The following ITK variants were observed in gnomAD, a reference collection of about 807,000 sequenced individuals.
ITK encodes IL2 inducible T cell kinase, also known as tyrosine-protein kinase ITK/TSK.
A neutral mutation model predicts 87.6 loss-of-function variants in ITK; 45 were observed. That is an observed-to-expected ratio of 0.51 (90% CI 0.40 to 0.66). The LOEUF is 0.66. ITK is among the 30% of genes least tolerant of loss of function. ITK has a pLI of 0.00. For missense variants in ITK, 605 were observed against 766.3 expected (o/e 0.79, Z 2.48); for synonymous variants, 303 against 273.6 (o/e 1.11, Z -1.06).
chr5:157,203,557 A>G (rs915729017), intron 1 of ITK, among the ~76,000 whole-genome samples: 5 of 152,230 alleles, frequency 3.3e-5, no homozygotes, highest in African/African-American at 1.2e-4. Context: ...CCCTAAAGAA[A>G]GAACCCAACA....
intron 7 of ITK, among the ~76,000 whole-genome samples, chr5:157,228,607 G>T (rs1403294769): frequency 2.0e-5 from 3 of 152,074 alleles, no homozygotes; most frequent in Non-Finnish European, 2.9e-5. Flanking sequence ...GTGCCAGAAA[G>T]TAAAGAAGTA....
At chr5:157,186,682 A>AAGAG (rs61141972) in intron 1 of ITK, among the ~76,000 whole-genome samples, 19,632 of 148,494 alleles carry the variant, frequency 0.13, 1,368 homozygotes, top group African/African-American at 0.17. Context: ...GTCTCAAAAA[A>AAGAG]AGAGAGAGAG....
chr5:157,195,980 G>A (rs1275476826), intron 1 of ITK: 1 of 152,160 alleles, frequency 6.6e-6, no homozygotes, highest in Non-Finnish European at 1.5e-5. Flanking sequence ...AGGTGATTTT[G>A]CCCACCAGGG....
At chr5:157,249,492 C>T (rs189288563) in intron 16 of ITK, among the ~76,000 whole-genome samples, 1 of 152,338 alleles carries the variant, frequency 6.6e-6, no homozygotes, top group African/African-American at 2.4e-5. Flanking sequence ...TTACCCCAAC[C>T]TTGGATTGCA....
At chr5:157,196,484 T>C (rs566844998) in intron 1 of ITK, among the ~76,000 whole-genome samples, 1 of 152,324 alleles carries the variant, frequency 6.6e-6, no homozygotes, top group African/African-American at 2.4e-5. Flanking sequence ...ATAAGTTTAT[T>C]AGTATTTTAT....
At chr5:157,220,656 C>T (rs997774603) in intron 5 of ITK, among the ~76,000 whole-genome samples, 7 of 152,146 alleles carry the variant, frequency 4.6e-5, no homozygotes, top group African/African-American at 1.7e-4. Flanking sequence ...CCCAAACAAC[C>T]CTTCCTGAGC....
At chr5:157,252,367 G>A (rs1054000634) in intron 16 of ITK, among the ~76,000 whole-genome samples, 7 of 152,134 alleles carry the variant, frequency 4.6e-5, no homozygotes, top group African/African-American at 1.7e-4. Context: ...GTTCAAAGAG[G>A]TTAAATAACC....
In ITK at chr5:157,252,118, A is replaced by G. The variant is rs149235581; in HGVS notation, c.1792-489A>G. Among the ~76,000 whole-genome samples the G allele has an allele frequency of 2.2e-4, 33 of 152,332 alleles. No individual in the cohort carries two copies. In the East Asian group the frequency reaches 5.8e-3, roughly 27 times the overall value. ...CACTATAGTGTCTTCCTGTCCATGA[A>G]CATGGAATATCTGTCCATTTATTTA... is the stretch of plus-strand genomic sequence containing the variant. On this transcript the variant is annotated intron_variant, in intron 16 of 16. Coordinates refer to ENST00000422843, the MANE Select transcript of ITK (RefSeq NM_005546.4).
chr5:157,203,902 A>G (rs1355938388), intron 1 of ITK, among the ~76,000 whole-genome samples: 1 of 152,194 alleles, frequency 6.6e-6, no homozygotes, highest in Non-Finnish European at 1.5e-5. Flanking sequence ...GAAAAGACAA[A>G]TATACTCCAA....
At chr5:157,221,331 A>G (rs897763639) in intron 5 of ITK, among the ~76,000 whole-genome samples, 4 of 152,188 alleles carry the variant, frequency 2.6e-5, no homozygotes, top group Non-Finnish European at 4.4e-5. Flanking sequence ...ACCAAAGCAT[A>G]GTCTTCCCTC....
Position 157,254,360 on chromosome 5 carries a change from G to T in ITK, c.*1682G>T, listed in dbSNP as rs538864150. 7.6e-5 allele frequency: 17 copies of T among 224,218 alleles called. No individual in the cohort carries two copies. In the East Asian group the frequency reaches 1.0e-3, roughly 14 times the overall value. 13.9% of individuals were successfully genotyped at this position (224,218 alleles called of 1,614,324 possible). A position where few individuals can be genotyped will look rare whatever the true frequency, so the allele number is the denominator to read the frequency against. On this transcript the variant is annotated 3_prime_UTR_variant, in exon 17 of 17. Coordinates refer to ENST00000422843, the MANE Select transcript of ITK (RefSeq NM_005546.4). Reference sequence around the variant, plus strand: ...ATTCTCACAACCAACCAGTCATGTTGCTTGAAGCCATTTATAGACGAGCTT... The same window carrying T: ...ATTCTCACAACCAACCAGTCATGTTTCTTGAAGCCATTTATAGACGAGCTT...
intron 5 of ITK, among the ~76,000 whole-genome samples, chr5:157,219,161 G>A (rs1254999503): frequency 2.7e-5 from 4 of 147,194 alleles, no homozygotes; most frequent in African/African-American, 1.0e-4. Flanking sequence ...CACCCAGGCT[G>A]GAGTGCAATG....
At chr5:157,206,290 G>T (rs141490997) in intron 1 of ITK, among the ~76,000 whole-genome samples, 35 of 152,216 alleles carry the variant, frequency 2.3e-4, no homozygotes, top group African/African-American at 8.2e-4. Flanking sequence ...GATTTGGTTT[G>T]CAAGTATTTT....
chr5:157,225,990 C>T (rs1754524151), intron 6 of ITK, among the ~76,000 whole-genome samples: 1 of 152,180 alleles, frequency 6.6e-6, no homozygotes, highest in South Asian at 2.1e-4. Flanking sequence ...AAAGAGGACA[C>T]CCCAGCAGCC....
intron 16 of ITK, among the ~76,000 whole-genome samples, chr5:157,251,871 C>A (rs534721417): frequency 2.0e-5 from 3 of 152,330 alleles, no homozygotes; most frequent in African/African-American, 7.2e-5. Flanking sequence ...CTAGCACCAT[C>A]CTCTCCCATT....
chr5:157,248,799 G>C, intron 15 of ITK, 51 bp from the exon 16 acceptor site: 1 of 1,610,696 alleles, frequency 6.2e-7, no homozygotes. Flanking sequence ...TGGTTTGTTT[G>C]CTGTCTGTGG....
intron 12 of ITK, 152 bp from the exon 13 acceptor site, chr5:157,244,110 A>G (rs1414612387): frequency 2.6e-6 from 2 of 755,874 alleles, no homozygotes; most frequent in South Asian, 1.5e-5. Context: ...AGCTCCAATG[A>G]CATGTTTTTG....
intron 10 of ITK, chr5:157,240,941 C>CT (rs35181977): frequency 0.24 from 33,758 of 139,100 alleles, 4,672 homozygotes; most frequent in East Asian, 0.52. Flanking sequence ...TCTTTTCTTT[C>CT]TTTTTTTTTT....
intron 6 of ITK, 73 bp downstream of exon 6, chr5:157,223,087 G>T (rs1448782429): frequency 6.4e-7 from 1 of 1,560,232 alleles, no homozygotes; most frequent in African/African-American, 1.4e-5. Flanking sequence ...AGGATGATTT[G>T]TCCTATCTCC....
Sources: allele counts gnomAD v4.1 joint callset (sites outside exome capture counted in the v4.1 genomes callset), GRCh38; gene constraint gnomAD v4.1.1; transcripts MANE v1.5; gene names NCBI Gene and HGNC (gene_info 2026-07-23, HGNC 2026-07-21).